The following DPP10 variants were observed in gnomAD, a reference collection of about 807,000 sequenced individuals.
The protein encoded by DPP10 is dipeptidyl peptidase like 10, also known as inactive dipeptidyl peptidase 10.
A neutral mutation model predicts 120.9 loss-of-function variants in DPP10; 33 were observed. That is an observed-to-expected ratio of 0.27 (90% CI 0.21 to 0.37). The LOEUF is 0.37. DPP10 is among the 10% of genes least tolerant of loss of function. The pLI is 1.00. For synonymous variants in DPP10, 337 were observed against 326.1 expected (o/e 1.03, Z -0.36); for missense variants, 816 against 942.8 (o/e 0.87, Z 1.76).
intron 1 of DPP10, among the ~76,000 whole-genome samples, chr2:114,499,734 CAAG>C (rs1682996891): frequency 6.6e-6 from 1 of 152,144 alleles, no homozygotes; most frequent in African/African-American, 2.4e-5. Flanking sequence ...AACAGGGTAG[CAAG>C]AAGGACTTCT....
chr2:115,653,133 A>G (rs2087956299), intron 5 of DPP10, among the ~76,000 whole-genome samples: 1 of 152,048 alleles, frequency 6.6e-6, no homozygotes, highest in Non-Finnish European at 1.5e-5. Flanking sequence ...AGAGGTGGAT[A>G]TACAAAATTT....
chr2:114,973,613 G>C (rs1039392442), intron 1 of DPP10, among the ~76,000 whole-genome samples: 1 of 126,438 alleles, frequency 7.9e-6, no homozygotes, highest in Admixed American at 1.0e-4. Context: ...AGTGAGCCGA[G>C]ATCGAGCCAC....
At chr2:114,942,372 C>CGTATATATACATATATATACATATATAT (rs1225298713) in intron 1 of DPP10, among the ~76,000 whole-genome samples, 3 of 57,418 alleles carry the variant, frequency 5.2e-5, no homozygotes, top group African/African-American at 1.9e-4. Flanking sequence ...CATATATATA[C>CGTATATATACATATATATACATATATAT]ACACACATAT....
chr2:115,424,472 C>T (rs932011732), intron 3 of DPP10, among the ~76,000 whole-genome samples: 7 of 151,144 alleles, frequency 4.6e-5, no homozygotes, highest in African/African-American at 1.7e-4. Flanking sequence ...AAATTATCAG[C>T]AGATAGGAAA....
intron 5 of DPP10, among the ~76,000 whole-genome samples, chr2:115,656,133 AACACACACAC>A (rs146572509): frequency 0.027 from 3,822 of 143,294 alleles, 173 homozygotes; most frequent in African/African-American, 0.093. Flanking sequence ...GTTCTTACCA[AACACACACAC>A]ACACACACAC....
chr2:114,850,941 G>C (rs536120910), intron 1 of DPP10, among the ~76,000 whole-genome samples: 15 of 152,002 alleles, frequency 9.9e-5, no homozygotes, highest in African/African-American at 3.1e-4. Flanking sequence ...TCTAGATGCT[G>C]TTTTGTTTAG....
rs566977458 is a variant in DPP10 at position 114,568,779 on chromosome 2, C to T, written c.60+125941C>T. Among the ~76,000 whole-genome samples the T allele has an allele frequency of 2.0e-5, 3 of 152,308 alleles. No homozygotes were observed. In the South Asian group the frequency reaches 6.2e-4, roughly 32 times the overall value. On this transcript the variant is annotated intron_variant, in intron 1 of 25. Coordinates refer to ENST00000410059, the MANE Select transcript of DPP10 (RefSeq NM_020868.6). Reference sequence around the variant, plus strand: ...GCCTTTGCTGTAGGTGTACCTATCCCTCTCTCTTGCTCTTTCTGTTCATTT... The same window carrying T: ...GCCTTTGCTGTAGGTGTACCTATCCTTCTCTCTTGCTCTTTCTGTTCATTT...
In DPP10 at chr2:115,598,813, C is replaced by CTT. The variant is rs11458817; in HGVS notation, c.441+72852_441+72853dup. On this transcript the variant is annotated intron_variant, in intron 5 of 25. Coordinates refer to ENST00000410059, the MANE Select transcript of DPP10 (RefSeq NM_020868.6). Reference sequence around the variant, plus strand: ...CCTAGTTTCTCTTCAGCCTGAAGAGCTTTTTTTTTTTTCATTAATAACATG... The same window carrying CTT: ...CCTAGTTTCTCTTCAGCCTGAAGAGCTTTTTTTTTTTTTTCATTAATAACATG... 8.2e-4 allele frequency among the ~76,000 whole-genome samples: 116 copies of CTT among 141,682 alleles called. 1 individual carries two copies. Among genetic ancestry groups the CTT allele is most frequent in the Middle Eastern group, 8.0e-3 (2 of 250 alleles). 92.9% of individuals were successfully genotyped at this position (141,682 alleles called of 152,430 possible).
intron 1 of DPP10, among the ~76,000 whole-genome samples, chr2:115,119,189 G>A (rs370243286): frequency 6.6e-6 from 1 of 152,136 alleles, no homozygotes; most frequent in Non-Finnish European, 1.5e-5. Context: ...CTGAAGTTGT[G>A]CAGGTGCTCA....
At chr2:115,173,419 G>T (rs907050204) in intron 1 of DPP10, among the ~76,000 whole-genome samples, 2 of 152,104 alleles carry the variant, frequency 1.3e-5, no homozygotes, top group Admixed American at 6.6e-5. Context: ...GCCCATAATT[G>T]TTATGTAAAC....
intron 1 of DPP10, among the ~76,000 whole-genome samples, chr2:114,972,506 C>T (rs546293963): frequency 2.0e-5 from 3 of 152,246 alleles, no homozygotes; most frequent in African/African-American, 4.8e-5. Flanking sequence ...CACAAAAAGA[C>T]TTATTTACCT....
intron 1 of DPP10, among the ~76,000 whole-genome samples, chr2:114,448,497 G>A (rs1410379478): frequency 2.6e-5 from 4 of 152,114 alleles, no homozygotes; most frequent in Non-Finnish European, 4.4e-5. Context: ...GCTGTCCCTA[G>A]ACCAGCAGTA....
chr2:115,177,047 G>A (rs894507427), intron 1 of DPP10, among the ~76,000 whole-genome samples: 5 of 152,206 alleles, frequency 3.3e-5, no homozygotes, highest in African/African-American at 4.8e-5. Context: ...TGTCCAAAAT[G>A]TATAATTTAG....
At chr2:115,134,099 G>T (rs1290115002) in intron 1 of DPP10, among the ~76,000 whole-genome samples, 2 of 152,136 alleles carry the variant, frequency 1.3e-5, no homozygotes, top group African/African-American at 4.8e-5. Context: ...CTTAAATACA[G>T]TTAAATAAAT....
At chr2:115,007,763 A>G (rs1701963031) in intron 1 of DPP10, among the ~76,000 whole-genome samples, 1 of 150,548 alleles carries the variant, frequency 6.6e-6, no homozygotes, top group Non-Finnish European at 1.5e-5. Context: ...AAAAATCACA[A>G]GCATTCCTAT....
intron 1 of DPP10, among the ~76,000 whole-genome samples, chr2:115,067,930 T>G (rs1395985965): frequency 2.1e-5 from 2 of 95,970 alleles, no homozygotes; most frequent in African/African-American, 1.0e-4. Flanking sequence ...TGTGTGGGGG[T>G]GTGTGTTTTT....
intron 1 of DPP10, among the ~76,000 whole-genome samples, chr2:114,468,170 G>A (rs972639358): frequency 4.6e-5 from 7 of 151,914 alleles, no homozygotes; most frequent in African/African-American, 1.7e-4. Context: ...TTTATAGATG[G>A]GAAAACTAAG....
intron 1 of DPP10, among the ~76,000 whole-genome samples, chr2:115,223,426 C>G (rs1339585469): frequency 6.6e-6 from 1 of 152,074 alleles, no homozygotes; most frequent in Non-Finnish European, 1.5e-5. Flanking sequence ...CTGAATCTAA[C>G]AAATTTCCTA....
At chr2:115,640,119 G>A (rs1319529879) in intron 5 of DPP10, among the ~76,000 whole-genome samples, 1 of 152,048 alleles carries the variant, frequency 6.6e-6, no homozygotes, top group Non-Finnish European at 1.5e-5. Flanking sequence ...AAAGGCTTCA[G>A]GCTTGCAGAA....
Sources: gnomAD v4.1 joint callset for allele counts (sites outside exome capture counted in the v4.1 genomes callset) on GRCh38, gnomAD v4.1.1 for gene constraint, MANE v1.5 for transcripts, NCBI Gene and HGNC (gene_info 2026-07-23, HGNC 2026-07-21) for gene names.